GLO1: variants seen among roughly 807,000 people sequenced by gnomAD.
GLO1 encodes lactoylglutathione lyase.
GLO1 carries 28 observed loss-of-function variants against 26.0 expected under a neutral mutation model. That is an observed-to-expected ratio of 1.08 (90% CI 0.80 to 1.48). The LOEUF (loss-of-function observed/expected upper bound fraction) is 1.48, where lower values mean the gene tolerates loss of function less well. Ranked by LOEUF, GLO1 falls within the 40% of genes most tolerant of loss-of-function variation. The pLI is 0.00. For synonymous variants in GLO1, 78 were observed against 77.6 expected, an observed-to-expected ratio of 1.00 and a Z score of -0.03; for missense variants, 225 against 224.8, an observed-to-expected ratio of 1.00 and a Z score of -0.01.
At chr6:38,679,245 G>A (rs1490289003) in intron 5 of GLO1, among the ~76,000 whole-genome samples, 4 of 151,748 alleles carry the variant, frequency 2.6e-5, no homozygotes, top group African/African-American at 9.7e-5. Context: ...TCAGCCTCCC[G>A]AGTAGCTAGG....
intron 2 of GLO1, among the ~76,000 whole-genome samples, chr6:38,686,166 A>G (rs1395670363): frequency 6.6e-6 from 1 of 152,198 alleles, no homozygotes; most frequent in Non-Finnish European, 1.5e-5. Flanking sequence ...GAGGGAAGCT[A>G]TTACTTTTCA....
intron 1 of GLO1, among the ~76,000 whole-genome samples, chr6:38,698,350 TC>T (rs1465272219): frequency 6.6e-6 from 1 of 151,360 alleles, no homozygotes; most frequent in East Asian, 1.9e-4. Context: ...TCTTCCTTCC[TC>T]CTTTCCATTC....
At chr6:38,692,367 T>C (rs183971633) in intron 1 of GLO1, among the ~76,000 whole-genome samples, 1 of 152,190 alleles carries the variant, frequency 6.6e-6, no homozygotes, top group Admixed American at 6.5e-5. Flanking sequence ...AGAAACGCGA[T>C]TGATTTCTGT....
intron 3 of GLO1, chr6:38,683,192 C>G (rs886564024): frequency 4.4e-6 from 1 of 224,820 alleles, no homozygotes; most frequent in African/African-American, 2.3e-5. Flanking sequence ...GTGTGAACAT[C>G]TCCATTCTAT....
intron 5 of GLO1, 122 bp downstream of exon 5, chr6:38,681,890 T>C: frequency 1.6e-6 from 1 of 643,664 alleles, no homozygotes; most frequent in Non-Finnish European, 2.8e-6. Flanking sequence ...TTTAAAACTC[T>C]GGTTGAAGTG....
At chr6:38,702,731 TAAAC>T (rs2127549772) in intron 1 of GLO1, among the ~76,000 whole-genome samples, 1 of 152,110 alleles carries the variant, frequency 6.6e-6, no homozygotes, top group African/African-American at 2.4e-5. Context: ...CGTCGCAACA[TAAAC>T]AAGCCAATTC....
At chr6:38,702,923 C>T (rs1187834988) in intron 1 of GLO1, 48 bp downstream of exon 1, 1 of 1,107,572 alleles carries the variant, frequency 9.0e-7, no homozygotes, top group Non-Finnish European at 1.4e-6. Flanking sequence ...CGGCCCGGTC[C>T]CGGCCCAGCG....
rs1350050158 is a variant in GLO1 at position 38,682,051 on chromosome 6, C to A, written c.427G>T (p.Glu143Ter). 6.3e-7 allele frequency: 1 copy of A among 1,597,408 alleles called. No individual in the cohort carries two copies. Among genetic ancestry groups the A allele is most frequent in the South Asian group, 1.1e-5 (1 of 90,740 alleles). ...PDVYSACKRF[E>*]ELGVKFVKKP... The stretch of plus-strand genomic sequence containing the variant: ...TTCACAAATTTGACTCCCAGTTCTT[C>A]AAACCTTTTACAAGCACTGTATACA... Residue 143 changes from glutamate (E) to a stop codon, truncating the protein, a stop_gained, in exon 5 of 6, where the codon GAA becomes TAA. Transcript: ENST00000373365. LOFTEE classifies it high-confidence loss of function.
chr6:38,698,692 C>T (rs764215942), intron 1 of GLO1, among the ~76,000 whole-genome samples: 111 of 130,506 alleles, frequency 8.5e-4, no homozygotes, highest in Non-Finnish European at 1.4e-3. Context: ...CGGAGTCTCT[C>T]TCTGTTGCCA....
chr6:38,687,703 T>G (rs1197716614), intron 1 of GLO1, among the ~76,000 whole-genome samples: 1 of 152,240 alleles, frequency 6.6e-6, no homozygotes, highest in African/African-American at 2.4e-5. Context: ...GCATTAATAA[T>G]TCTACTTAGG....
chr6:38,695,616 C>G (rs961728860), intron 1 of GLO1, among the ~76,000 whole-genome samples: 7 of 152,092 alleles, frequency 4.6e-5, no homozygotes, highest in Non-Finnish European at 8.8e-5. Flanking sequence ...CCCTACCCAG[C>G]CTTCCCCCAC....
chr6:38,697,653 T>C (rs1761631581), intron 1 of GLO1, among the ~76,000 whole-genome samples: 2 of 152,376 alleles, frequency 1.3e-5, no homozygotes, highest in South Asian at 4.1e-4. Flanking sequence ...AATTTTTCAT[T>C]GTTTTCTGGG....
chr6:38,702,253 C>A (rs1014801626), intron 1 of GLO1, among the ~76,000 whole-genome samples: 12 of 152,070 alleles, frequency 7.9e-5, no homozygotes, highest in African/African-American at 2.7e-4. Flanking sequence ...ACAAGGCAAC[C>A]GAAACACCAC....
Position 38,689,389 on chromosome 6 carries a change from G to C in GLO1, c.85-2415C>G, listed in dbSNP as rs148959332. ...TTAAAATCTGCTTTGTAGTGACCCT[G>C]TTTATGTTTTGTTTCTTCAACATCT... On this transcript the variant is annotated intron_variant, in intron 1 of 5. Coordinates refer to ENST00000373365, the MANE Select transcript of GLO1 (RefSeq NM_006708.3). Among the ~76,000 whole-genome samples the C allele has an allele frequency of 2.6e-5, 4 of 152,230 alleles. No individual in the cohort carries two copies. The East Asian group carries it at 7.7e-4, about 29-fold the overall frequency.
At chr6:38,702,855 C>T (rs1157701620) in intron 1 of GLO1, 116 bp downstream of exon 1, 30 of 637,206 alleles carry the variant, frequency 4.7e-5, no homozygotes, top group South Asian at 4.3e-4. Context: ...CCATCACACT[C>T]CCGTCCGCCC....
At position 38,676,377 on chromosome 6, in the gene GLO1, T is replaced by C. The variant is rs919822842; in HGVS notation, c.*918A>G. On this transcript the variant is annotated 3_prime_UTR_variant, in exon 6 of 6. Transcript: ENST00000373365. ...AGGTGTCCCTAGAGCAGTTTTGTACTAAAGACTTCTAGTGTTTACTCCCTC... is the reference window on the plus strand; with the variant it reads ...AGGTGTCCCTAGAGCAGTTTTGTACCAAAGACTTCTAGTGTTTACTCCCTC... 3 of 152,158 alleles carry C rather than the reference T, an allele frequency of 2.0e-5. No individual in the cohort carries two copies. Among genetic ancestry groups the C allele is most frequent in the Non-Finnish European group, 4.4e-5 (3 of 68,036 alleles). 9.4% of individuals were successfully genotyped at this position (152,158 alleles called of 1,614,324 possible). A position where few individuals can be genotyped will look rare whatever the true frequency, so the allele number is the denominator to read the frequency against.
Position 38,676,592 on chromosome 6 carries a change from G to A in GLO1, c.*703C>T, listed in dbSNP as rs1031953518. ...TTAAATCCATTAATAATCCATGAAA[G>A]TGATTTCACATGCCTAGCCTGCTTT... On this transcript the variant is annotated 3_prime_UTR_variant, in exon 6 of 6. Coordinates refer to ENST00000373365, the MANE Select transcript of GLO1 (RefSeq NM_006708.3). 6.6e-6 allele frequency: 1 copy of A among 152,160 alleles called. No individual in the cohort carries two copies. The highest frequency in any genetic ancestry group is 6.5e-5 in the Admixed American group (1 of 15,270). The allele number at this position is 152,160 out of a possible 1,614,324, so 9.4% of individuals were successfully genotyped here.
intron 1 of GLO1, among the ~76,000 whole-genome samples, chr6:38,697,636 C>T (rs1052752487): frequency 1.3e-5 from 2 of 152,178 alleles, no homozygotes; most frequent in African/African-American, 4.8e-5. Context: ...CCATAAGCAA[C>T]AAACACAATT....
intron 5 of GLO1, among the ~76,000 whole-genome samples, chr6:38,680,990 C>A (rs1237285732): frequency 6.6e-6 from 1 of 152,150 alleles, no homozygotes; most frequent in Non-Finnish European, 1.5e-5. Context: ...TACTATCCCA[C>A]TCTAGGTAAT....
Sources: gnomAD v4.1 joint callset for allele counts (sites outside exome capture counted in the v4.1 genomes callset) on GRCh38, gnomAD v4.1.1 for gene constraint, MANE v1.5 for transcripts, NCBI Gene and HGNC (gene_info 2026-07-23, HGNC 2026-07-21) for gene names.